Variants in DMBT1 observed in about 807,000 individuals in gnomAD.
DMBT1 encodes deleted in malignant brain tumors 1, also known as scavenger receptor cysteine-rich domain-containing protein DMBT1.
Under a neutral mutation model 252.9 loss-of-function variants are expected in DMBT1, and 198 were observed. The ratio of observed to expected loss-of-function variants is 0.78; its 90% confidence interval spans 0.70 to 0.88. The LOEUF is 0.88. DMBT1 is among the 40% of genes least tolerant of loss of function. The probability of loss-of-function intolerance (pLI) is 0.00; values close to 1 mark genes in which losing one functional copy is unlikely to be tolerated. For missense variants in DMBT1, 2,432 were observed against 2,404.7 expected, an observed-to-expected ratio of 1.01 and a Z score of -0.24; for synonymous variants, 990 against 942.7, an observed-to-expected ratio of 1.05 and a Z score of -0.92.
rs1251200774 is a variant in DMBT1, at chr10:122,570,217, C to T, written c.139+8C>T. The T allele has an allele frequency of 6.3e-7, 1 of 1,578,268 alleles. No individual in the cohort carries two copies. Among genetic ancestry groups the T allele is most frequent in the African/African-American group, 1.3e-5 (1 of 74,192 alleles). On this transcript the variant is annotated splice_region_variant and intron_variant, in intron 3 of 55. Coordinates refer to ENST00000338354, the MANE Select transcript of DMBT1 (RefSeq NM_001377530.1). ...ATCCAACTGTAGCAGAAGGTAAGGT[C>T]TATTATGGGGGAACCCTGTGGGCTC...
At chr10:122,620,641 T>A (rs1030046012) in intron 43 of DMBT1, among the ~76,000 whole-genome samples, 1 of 152,224 alleles carries the variant, frequency 6.6e-6, no homozygotes, top group Non-Finnish European at 1.5e-5. Flanking sequence ...CCTGTCCCCA[T>A]AGCTGTCTGG....
intron 46 of DMBT1, among the ~76,000 whole-genome samples, chr10:122,628,327 T>C (rs879008413): frequency 6.6e-6 from 1 of 152,202 alleles, no homozygotes; most frequent in Admixed American, 6.5e-5. Flanking sequence ...TGGAGTATTA[T>C]TTGGCAATAA....
chr10:122,577,986 G>A (rs936060010), intron 8 of DMBT1, 146 bp downstream of exon 8: 1 of 840,052 alleles, frequency 1.2e-6, no homozygotes, highest in South Asian at 1.9e-5. Context: ...ACCCTAGCAT[G>A]GGGCTTCTTA....
chr10:122,575,285 T>C (rs2097702285), intron 6 of DMBT1, among the ~76,000 whole-genome samples: 1 of 152,210 alleles, frequency 6.6e-6, no homozygotes, highest in Non-Finnish European at 1.5e-5. Context: ...GAGTTCTGTA[T>C]AGGTTACATG....
intron 25 of DMBT1, 64 bp downstream of exon 25, chr10:122,598,076 A>G: frequency 6.2e-7 from 1 of 1,609,856 alleles, no homozygotes. Context: ...GTTTTTTCTG[A>G]AAATGATAGG....
intron 55 of DMBT1, among the ~76,000 whole-genome samples, chr10:122,641,398 G>A (rs1844498276): frequency 1.3e-5 from 2 of 152,188 alleles, no homozygotes; most frequent in South Asian, 2.1e-4. Flanking sequence ...TATACCAATA[G>A]GATAAAGAGT....
chr10:122,592,083 A>C (rs1271936553), intron 19 of DMBT1, among the ~76,000 whole-genome samples, 189 bp from the exon 20 acceptor site: 2 of 148,378 alleles, frequency 1.3e-5, no homozygotes, highest in Non-Finnish European at 3.0e-5. Context: ...GCCTCCATAA[A>C]CCCAGGCAGA....
intron 16 of DMBT1, among the ~76,000 whole-genome samples, chr10:122,588,187 T>C (rs1198366350): frequency 6.7e-6 from 1 of 148,438 alleles, no homozygotes; most frequent in Non-Finnish European, 1.5e-5. Flanking sequence ...TCACCCCCAC[T>C]AGGGCTCACT....
chr10:122,580,784 C>T (rs1306690296), intron 10 of DMBT1, 82 bp from the exon 11 acceptor site: 1 of 1,545,382 alleles, frequency 6.5e-7, no homozygotes, highest in Admixed American at 1.7e-5. Flanking sequence ...GTCAGACTCG[C>T]TCATTTCTTT....
chr10:122,577,481 G>A (rs907646698), intron 7 of DMBT1, among the ~76,000 whole-genome samples: 11 of 152,200 alleles, frequency 7.2e-5, no homozygotes, highest in East Asian at 1.9e-4. Context: ...CAGCTCAAGC[G>A]TGGAGAGTTA....
At chr10:122,620,180 G>C (rs1307981688) in intron 42 of DMBT1, 73 bp from the exon 43 acceptor site, 4 of 1,510,132 alleles carry the variant, frequency 2.6e-6, no homozygotes, top group Non-Finnish European at 3.7e-6. Flanking sequence ...TGCTTGCCTG[G>C]TTCAGAGATT....
In DMBT1 at chr10:122,621,259, A is replaced by C; in HGVS notation, c.5487A>C (p.Gly1829=). The change falls in exon 44 of 56, where the codon GGA becomes GGC. Residue 1829 remains glycine, a synonymous_variant. Transcript: ENST00000338354. ...PGNARFGQGS[G]PIVLDDVRCS... ...ATGCCCGGTTTGGCCAGGGCTCAGG[A>C]CCCATTGTCCTGGATGATGTGCGCT... 6.2e-7 allele frequency: 1 copy of C among 1,613,732 alleles called. No homozygotes were observed. The highest frequency in any genetic ancestry group is 8.5e-7 in the Non-Finnish European group (1 of 1,179,742).
At chr10:122,593,023 G>C (rs1447827497) in intron 20 of DMBT1, among the ~76,000 whole-genome samples, 1 of 148,708 alleles carries the variant, frequency 6.7e-6, no homozygotes, top group Admixed American at 6.7e-5. Flanking sequence ...CTGAGACCCA[G>C]TGAGGAGGTC....
chr10:122,562,713 A>T (rs2981753), intron 1 of DMBT1, among the ~76,000 whole-genome samples: 102,008 of 152,136 alleles, frequency 0.67, 34,561 homozygotes, highest in East Asian at 0.77. Context: ...CCATGATGTT[A>T]TGTGCATGCA....
At chr10:122,634,645 C>T (rs1003267316) in intron 52 of DMBT1, among the ~76,000 whole-genome samples, 11 of 151,916 alleles carry the variant, frequency 7.2e-5, no homozygotes, top group African/African-American at 9.7e-5. Flanking sequence ...TACAGGCACA[C>T]GCCACAATGC....
rs960114134 is a variant in DMBT1, at chr10:122,623,384, T to C, written c.5609-1893T>C. Among the ~76,000 whole-genome samples, 28 of 152,230 alleles carry C rather than the reference T, an allele frequency of 1.8e-4. 1 individual carries two copies. Among genetic ancestry groups the C allele is most frequent in the African/African-American group, 6.3e-4 (26 of 41,460 alleles). ...ATGAGAATTAGTGTACGGTTTTTTGTTTGCACTTGTGTTTCCAATTTTGGG... is the reference window on the plus strand; with the variant it reads ...ATGAGAATTAGTGTACGGTTTTTTGCTTGCACTTGTGTTTCCAATTTTGGG... On this transcript the variant is annotated intron_variant, in intron 44 of 55. Coordinates refer to ENST00000338354, the MANE Select transcript of DMBT1 (RefSeq NM_001377530.1).
At chr10:122,577,731 T>G in intron 7 of DMBT1, 80 bp from the exon 8 acceptor site, 1 of 1,546,248 alleles carries the variant, frequency 6.5e-7, no homozygotes, top group Non-Finnish European at 8.9e-7. Flanking sequence ...AGGGTGTAGA[T>G]ACCCCAAGTC....
chr10:122,633,662 A>C (rs1440678828), intron 52 of DMBT1, among the ~76,000 whole-genome samples: 1 of 152,210 alleles, frequency 6.6e-6, no homozygotes, highest in African/African-American at 2.4e-5. Context: ...CAGTCAAAAG[A>C]GGGGAATAAA....
At chr10:122,621,449 A>C in intron 44 of DMBT1, 69 bp downstream of exon 44, 1 of 1,603,666 alleles carries the variant, frequency 6.2e-7, no homozygotes, top group Non-Finnish European at 8.5e-7. Context: ...TCCTAATTAC[A>C]TTCTGATCTC....
Sources: gnomAD v4.1 joint callset for allele counts (sites outside exome capture counted in the v4.1 genomes callset) on GRCh38, gnomAD v4.1.1 for gene constraint, MANE v1.5 for transcripts, NCBI Gene and HGNC (gene_info 2026-07-23, HGNC 2026-07-21) for gene names.